Variants in FAT3 observed in about 807,000 individuals in gnomAD.
FAT3 encodes the protein protocadherin Fat 3.
In FAT3, 95 loss-of-function variants were observed where a neutral mutation model predicts 310.2. That is an observed-to-expected ratio of 0.31 (90% CI 0.26 to 0.36). The LOEUF is 0.36. Ranked by LOEUF, FAT3 falls within the 10% of genes least tolerant of loss-of-function variation. The probability of loss-of-function intolerance (pLI) is 1.00; values close to 1 mark genes in which losing one functional copy is unlikely to be tolerated. For missense variants in FAT3, 5,408 were observed against 5,715.6 expected (o/e 0.95, Z 1.74); for synonymous variants, 2,314 against 2,192.9 (o/e 1.06, Z -1.54).
In FAT3 at chr11:92,596,590, G is replaced by T. The variant is rs1480912705; in HGVS notation, c.3607+71642G>T. 3.3e-5 allele frequency among the ~76,000 whole-genome samples: 5 copies of T among 152,156 alleles called. No homozygotes were observed. In the East Asian group the frequency reaches 9.6e-4, roughly 29 times the overall value. Reference sequence around the variant, plus strand: ...AGTAAACCATGGGTACAGTGAGAATGAGCATTTTTCTCCATTCTGTTGAAG... The same window carrying T: ...AGTAAACCATGGGTACAGTGAGAATTAGCATTTTTCTCCATTCTGTTGAAG... On this transcript the variant is annotated intron_variant, in intron 3 of 27. Transcript: ENST00000525166.
chr11:92,873,580 A>C (rs1949447823), intron 22 of FAT3, among the ~76,000 whole-genome samples: 1 of 152,232 alleles, frequency 6.6e-6, no homozygotes, highest in South Asian at 2.1e-4. Context: ...GACAGGAATT[A>C]TCTTGATTAT....
At position 92,353,837 on chromosome 11, in the gene FAT3, C is replaced by G; in HGVS notation, c.1725C>G (p.Ser575Arg). ...GAATAGGAAATGTCAACGACAACAG[C>G]CCTCTCTTTGAAAAAGTGGCTTGCC... ...TIRIGNVNDNSPLFEKVACQG... is the reference protein window; with the variant it reads ...TIRIGNVNDNRPLFEKVACQG... Residue 575 changes from serine (S) to arginine (R), a missense_variant, in exon 2 of 28, where the codon AGC (serine) becomes AGG (arginine). Ser to Arg is a moderately radical substitution (Grantham distance 110, BLOSUM62 -1). Coordinates refer to ENST00000525166, the MANE Select transcript of FAT3 (RefSeq NM_001367949.2). The G allele has an allele frequency of 6.2e-7, 1 of 1,613,742 alleles. No individual in the cohort carries two copies. The highest frequency in any genetic ancestry group is 8.5e-7 in the Non-Finnish European group (1 of 1,179,806).
At chr11:92,854,800 A>G (rs1289917600) in intron 19 of FAT3, among the ~76,000 whole-genome samples, 4 of 152,216 alleles carry the variant, frequency 2.6e-5, no homozygotes, top group Non-Finnish European at 2.9e-5. Context: ...CAATGCAGCC[A>G]TTACATTAGA....
intron 13 of FAT3, among the ~76,000 whole-genome samples, chr11:92,816,302 T>TC (rs1257308890): frequency 6.6e-6 from 1 of 152,186 alleles, no homozygotes; most frequent in Non-Finnish European, 1.5e-5. Flanking sequence ...TGCGAGTCTA[T>TC]CTAGTGACTC....
chr11:92,706,741 C>T (rs772991577), intron 4 of FAT3, among the ~76,000 whole-genome samples: 11 of 152,176 alleles, frequency 7.2e-5, no homozygotes, highest in Non-Finnish European at 1.2e-4. Flanking sequence ...AGTTTCTTAT[C>T]TTCCCTTCAC....
chr11:92,308,708 A>G (rs1327333427), intron 1 of FAT3, among the ~76,000 whole-genome samples: 1 of 152,202 alleles, frequency 6.6e-6, no homozygotes. Context: ...AGAAGAGATT[A>G]TTTAATTGAC....
chr11:92,318,223 A>G (rs1400300960), intron 1 of FAT3, among the ~76,000 whole-genome samples: 3 of 152,126 alleles, frequency 2.0e-5, no homozygotes, highest in Non-Finnish European at 4.4e-5. Flanking sequence ...GTGAAGCAGG[A>G]AGCAATCAGC....
At chr11:92,335,649 A>AT (rs1948052068) in intron 1 of FAT3, among the ~76,000 whole-genome samples, 1 of 152,190 alleles carries the variant, frequency 6.6e-6, no homozygotes. Context: ...CATCTTAGCC[A>AT]TTTTTAAGTG....
chr11:92,888,984 C>T (rs946933159), intron 25 of FAT3, among the ~76,000 whole-genome samples: 3 of 152,140 alleles, frequency 2.0e-5, no homozygotes, highest in African/African-American at 7.2e-5. Flanking sequence ...TGCCATTTAT[C>T]TTCCATTCCA....
rs116771928 is a variant in FAT3, at chr11:92,593,859, T to C, written c.3607+68911T>C. ...AGTCTATTGAAACAAAAAATTATAA[T>C]GAGGTATGGCAAATTTTTGTTATAA... On this transcript the variant is annotated intron_variant, in intron 3 of 27. Transcript: ENST00000525166. Among the ~76,000 whole-genome samples, 710 of 152,302 alleles carry C rather than the reference T, an allele frequency of 4.7e-3. 7 individuals carry two copies. The highest frequency in any genetic ancestry group is 0.017 in the African/African-American group (690 of 41,570).
At chr11:92,264,424 T>A (rs776189655) in intron 1 of FAT3, among the ~76,000 whole-genome samples, 1 of 152,078 alleles carries the variant, frequency 6.6e-6, no homozygotes, top group African/African-American at 2.4e-5. Context: ...AATGGTTAAA[T>A]TGAAGAAACC....
rs566219170 is a variant in FAT3, at chr11:92,754,173, T to A, written c.3670-7683T>A. ...ATATATTTAAAAAATAAAGACAATA[T>A]TTTCCTATATAAAAACAAGAAAAGA... On this transcript the variant is annotated intron_variant, in intron 4 of 27. Coordinates refer to ENST00000525166, the MANE Select transcript of FAT3 (RefSeq NM_001367949.2). Among the ~76,000 whole-genome samples, 18 of 152,120 alleles carry A rather than the reference T, an allele frequency of 1.2e-4. No individual in the cohort carries two copies. The East Asian group carries it at 2.7e-3, about 23-fold the overall frequency.
chr11:92,403,564 A>G (rs1244040735), intron 2 of FAT3, among the ~76,000 whole-genome samples: 2 of 152,170 alleles, frequency 1.3e-5, no homozygotes, highest in African/African-American at 4.8e-5. Context: ...AAAGAGTTAG[A>G]TTTGAGGTAG....
At chr11:92,864,572 C>T (rs192557402) in intron 21 of FAT3, among the ~76,000 whole-genome samples, 24 of 152,274 alleles carry the variant, frequency 1.6e-4, no homozygotes, top group African/African-American at 5.3e-4. Flanking sequence ...AATCCCAGCA[C>T]TTTGAGAGGC....
chr11:92,263,280 T>C (rs1252435885), intron 1 of FAT3, among the ~76,000 whole-genome samples: 1 of 151,850 alleles, frequency 6.6e-6, no homozygotes, highest in Non-Finnish European at 1.5e-5. Context: ...TTTTATGTCA[T>C]AGCAGAGTCT....
chr11:92,873,457 G>T (rs181750122), intron 22 of FAT3, among the ~76,000 whole-genome samples: 1 of 152,150 alleles, frequency 6.6e-6, no homozygotes, highest in African/African-American at 2.4e-5. Context: ...CCTTATCAAG[G>T]CAGCCAAACC....
chr11:92,524,228 C>T lies in FAT3; in HGVS notation c.3293-406C>T, dbSNP rs563354574. Among the ~76,000 whole-genome samples, 590 of 152,146 alleles carry T rather than the reference C, an allele frequency of 3.9e-3. 4 individuals carry two copies. The highest frequency in any genetic ancestry group is 6.4e-3 in the Non-Finnish European group (437 of 67,998). On this transcript the variant is annotated intron_variant, in intron 2 of 27. Coordinates refer to ENST00000525166, the MANE Select transcript of FAT3 (RefSeq NM_001367949.2). The stretch of plus-strand genomic sequence containing the variant: ...CTTTTCATTGCATAAGAAGTCAATT[C>T]AATATCAGGTCAAATGGAGATATTG...
chr11:92,764,733 TTA>T, intron 5 of FAT3, 144 bp from the exon 6 acceptor site: 1 of 717,252 alleles, frequency 1.4e-6, no homozygotes, highest in South Asian at 1.9e-5. Context: ...TCCCAAGTCT[TTA>T]CTCCCCAGAC....
At chr11:92,403,709 A>C (rs1950073897) in intron 2 of FAT3, among the ~76,000 whole-genome samples, 1 of 152,184 alleles carries the variant, frequency 6.6e-6, no homozygotes, top group Non-Finnish European at 1.5e-5. Context: ...TTGCTCCATC[A>C]GCAGAGAAAA....
Sources: gnomAD v4.1 joint callset for allele counts (sites outside exome capture counted in the v4.1 genomes callset) on GRCh38, gnomAD v4.1.1 for gene constraint, MANE v1.5 for transcripts, NCBI Gene and HGNC (gene_info 2026-07-23, HGNC 2026-07-21) for gene names.